TMTC2: variants seen among roughly 807,000 people sequenced by gnomAD.
TMTC2 encodes the protein transmembrane O-mannosyltransferase targeting cadherins 2, also known as protein O-mannosyl-transferase TMTC2.
A neutral mutation model predicts 82.4 loss-of-function variants in TMTC2; 43 were observed. That is an observed-to-expected ratio of 0.52 (90% CI 0.41 to 0.67). The LOEUF (loss-of-function observed/expected upper bound fraction) is 0.67. TMTC2 is among the 30% of genes least tolerant of loss of function. TMTC2 has a pLI of 0.00. For synonymous variants in TMTC2, 408 were observed against 381.9 expected, an observed-to-expected ratio of 1.07 and a Z score of -0.80; for missense variants, 919 against 1,012.4, an observed-to-expected ratio of 0.91 and a Z score of 1.25.
intron 1 of TMTC2, among the ~76,000 whole-genome samples, chr12:82,797,837 C>G (rs901016963): frequency 1.3e-5 from 2 of 151,554 alleles, no homozygotes; most frequent in Non-Finnish European, 2.9e-5. Flanking sequence ...TACTCTAAAT[C>G]TTATAATTCC....
In TMTC2 at chr12:82,791,386, A is replaced by G. The variant is rs774251098; in HGVS notation, c.84-65624A>G. Among the ~76,000 whole-genome samples, 2 of 151,982 alleles carry G rather than the reference A, an allele frequency of 1.3e-5. 1 individual carries two copies. ...TAAATCAAATGTTATATATATTTCC[A>G]TAAGTTATGGAATGAATGGTGAAAT... On this transcript the variant is annotated intron_variant, in intron 1 of 11. Transcript: ENST00000321196.
intron 11 of TMTC2, among the ~76,000 whole-genome samples, chr12:83,119,074 G>A (rs747137655): frequency 2.6e-5 from 4 of 151,950 alleles, no homozygotes; most frequent in Non-Finnish European, 5.9e-5. Context: ...ATGGTCTATC[G>A]ATTTTATATA....
intron 1 of TMTC2, among the ~76,000 whole-genome samples, chr12:82,748,279 C>G (rs531657549): frequency 6.6e-6 from 1 of 152,174 alleles, no homozygotes; most frequent in South Asian, 2.1e-4. Context: ...CCACTGCACT[C>G]CAGCGTGGGC....
chr12:82,815,029 C>T (rs1261381097), intron 1 of TMTC2, among the ~76,000 whole-genome samples: 1 of 152,094 alleles, frequency 6.6e-6, no homozygotes, highest in African/African-American at 2.4e-5. Flanking sequence ...ATTGGAGGTA[C>T]TGCTTCTAGG....
chr12:83,110,633 G>A (rs10862584), intron 11 of TMTC2, among the ~76,000 whole-genome samples: 22,602 of 152,148 alleles, frequency 0.15, 1,968 homozygotes, highest in African/African-American at 0.24. Flanking sequence ...TTGACACAGA[G>A]GATTACTCAT....
At chr12:83,029,889 C>T (rs1263495002) in intron 8 of TMTC2, among the ~76,000 whole-genome samples, 1 of 152,024 alleles carries the variant, frequency 6.6e-6, no homozygotes. Context: ...TGCTTATTTT[C>T]CTTGTGCGTA....
chr12:83,087,663 C>G (rs750078382), intron 11 of TMTC2, among the ~76,000 whole-genome samples: 1 of 152,222 alleles, frequency 6.6e-6, no homozygotes, highest in Non-Finnish European at 1.5e-5. Context: ...TGGCCAGGTG[C>G]ATTGTCAGTG....
Position 82,846,289 on chromosome 12 carries a change from C to T in TMTC2, c.84-10721C>T, listed in dbSNP as rs375014458. Reference sequence around the variant, plus strand: ...AGGAGAATCGCTTGAACCCAGGAGGCGGAGGTTGCAGTGAGCTGAGATCAT... The same window carrying T: ...AGGAGAATCGCTTGAACCCAGGAGGTGGAGGTTGCAGTGAGCTGAGATCAT... On this transcript the variant is annotated intron_variant, in intron 1 of 11. Coordinates refer to ENST00000321196, the MANE Select transcript of TMTC2 (RefSeq NM_152588.3). 7.2e-5 allele frequency among the ~76,000 whole-genome samples: 11 copies of T among 152,070 alleles called. No individual in the cohort carries two copies. In the South Asian group the frequency reaches 1.9e-3, roughly 26 times the overall value.
chr12:82,860,307 T>C (rs1871479230), intron 2 of TMTC2, among the ~76,000 whole-genome samples: 1 of 152,126 alleles, frequency 6.6e-6, no homozygotes, highest in Non-Finnish European at 1.5e-5. Flanking sequence ...TAGGATCATC[T>C]TTGCCACTCT....
intron 2 of TMTC2, among the ~76,000 whole-genome samples, chr12:82,889,861 A>AT (rs1159553239): frequency 6.6e-6 from 1 of 152,016 alleles, no homozygotes; most frequent in Non-Finnish European, 1.5e-5. Context: ...CTATACCATG[A>AT]TTTTTTTATT....
At chr12:82,751,889 GA>G (rs1876027867) in intron 1 of TMTC2, among the ~76,000 whole-genome samples, 1 of 152,112 alleles carries the variant, frequency 6.6e-6, no homozygotes, top group African/African-American at 2.4e-5. Context: ...GTTAAAGGAT[GA>G]ACAAAATGCC....
intron 1 of TMTC2, among the ~76,000 whole-genome samples, chr12:82,848,712 T>C (rs961876700): frequency 6.6e-6 from 1 of 152,166 alleles, no homozygotes; most frequent in African/African-American, 2.4e-5. Flanking sequence ...CATACATTTC[T>C]TCCCACTCCT....
intron 2 of TMTC2, among the ~76,000 whole-genome samples, chr12:82,885,324 T>A (rs971871208): frequency 2.2e-4 from 34 of 151,970 alleles, no homozygotes; most frequent in South Asian, 4.2e-4. Flanking sequence ...AAGTTTTTTT[T>A]AATTTTGTTA....
At chr12:82,964,420 T>G (rs749080961) in intron 4 of TMTC2, among the ~76,000 whole-genome samples, 35 of 152,098 alleles carry the variant, frequency 2.3e-4, no homozygotes, top group Non-Finnish European at 4.6e-4. Flanking sequence ...GAAATTTGCA[T>G]AGTGTTCCGA....
chr12:83,064,207 T>G (rs1268437584), intron 11 of TMTC2, among the ~76,000 whole-genome samples: 1 of 151,872 alleles, frequency 6.6e-6, no homozygotes, highest in Non-Finnish European at 1.5e-5. Flanking sequence ...AAGAACTACC[T>G]GAGCTATCTG....
intron 1 of TMTC2, among the ~76,000 whole-genome samples, chr12:82,851,548 A>G (rs995713482): frequency 1.4e-4 from 22 of 152,192 alleles, no homozygotes. Context: ...AGTTGAGGAA[A>G]CTAAGGTACA....
At chr12:82,749,402 T>A (rs1875860398) in intron 1 of TMTC2, among the ~76,000 whole-genome samples, 1 of 152,206 alleles carries the variant, frequency 6.6e-6, no homozygotes, top group South Asian at 2.1e-4. Context: ...ATGGGAGACA[T>A]GGGAAGCAAA....
intron 1 of TMTC2, among the ~76,000 whole-genome samples, chr12:82,702,541 G>A (rs1474560843): frequency 6.6e-6 from 1 of 152,136 alleles, no homozygotes; most frequent in Admixed American, 6.5e-5. Flanking sequence ...TTGCAGGATG[G>A]CTCTCAAGTC....
At chr12:82,755,768 A>C (rs1432586382) in intron 1 of TMTC2, among the ~76,000 whole-genome samples, 1 of 152,096 alleles carries the variant, frequency 6.6e-6, no homozygotes, top group Non-Finnish European at 1.5e-5. Context: ...CACCCTTGTA[A>C]GTTTAGTGTC....
Sources: allele counts gnomAD v4.1 joint callset (sites outside exome capture counted in the v4.1 genomes callset), GRCh38; gene constraint gnomAD v4.1.1; transcripts MANE v1.5; gene names NCBI Gene and HGNC (gene_info 2026-07-23, HGNC 2026-07-21).